DYSF: variants seen among roughly 807,000 people sequenced by gnomAD.
DYSF encodes dysferlin, also known as dystrophy-associated fer-1-like 1.
DYSF carries 212 observed loss-of-function variants against 274.9 expected under a neutral mutation model. The ratio of observed to expected loss-of-function variants is 0.77; its 90% CI spans 0.69 to 0.86. The LOEUF is 0.86. Among genes scored for constraint, DYSF ranks in the 40% least tolerant of loss-of-function variants. The pLI is 0.00. For synonymous variants in DYSF, 1,091 were observed against 1,078.7 expected, an observed-to-expected ratio of 1.01 and a Z score of -0.22; for missense variants, 2,666 against 2,783.2, an observed-to-expected ratio of 0.96 and a Z score of 0.95.
chr2:71,487,093 A>T (rs4536672), intron 3 of DYSF, among the ~76,000 whole-genome samples: 20 of 152,128 alleles, frequency 1.3e-4, no homozygotes, highest in Admixed American at 2.6e-4. Context: ...TGGTGTTTTC[A>T]TTGCGCAGCC....
At position 71,643,840 on chromosome 2, in the gene DYSF, C is replaced by T; in HGVS notation, c.4528-125C>T. 3 of 755,178 alleles carry T rather than the reference C, an allele frequency of 4.0e-6. 1 individual carries two copies. 46.8% of individuals were successfully genotyped at this position (755,178 alleles called of 1,614,324 possible). ...GAGGTTTCCTCTCTCTGCTCCCCCA[C>T]ATCACCCTTAGGAAAGCCTTGTGGT... On this transcript the variant is annotated intron_variant, in intron 41 of 55. Transcript: ENST00000410020.
intron 32 of DYSF, among the ~76,000 whole-genome samples, chr2:71,596,716 C>T (rs886421559): frequency 6.6e-6 from 1 of 152,170 alleles, no homozygotes; most frequent in Non-Finnish European, 1.5e-5. Context: ...CTCCCATTGC[C>T]CTCTTCTGTT....
chr2:71,656,112 C>T (rs1315289154), intron 42 of DYSF, 50 bp from the exon 43 acceptor site: 2 of 1,611,282 alleles, frequency 1.2e-6, no homozygotes, highest in Non-Finnish European at 1.7e-6. Context: ...TGCTGTTGTT[C>T]TACTTTCTTT....
At chr2:71,604,278 A>G (rs1293874140) in intron 36 of DYSF, among the ~76,000 whole-genome samples, 1 of 152,134 alleles carries the variant, frequency 6.6e-6, no homozygotes, top group Non-Finnish European at 1.5e-5. Flanking sequence ...TGATGCCAAG[A>G]TGCTGAGTCC....
chr2:71,484,745 G>C lies in DYSF; in HGVS notation c.239+2775G>C, dbSNP rs185787759. 1.7e-3 allele frequency among the ~76,000 whole-genome samples: 261 copies of C among 152,300 alleles called. 1 individual carries two copies. Among genetic ancestry groups the C allele is most frequent in the Non-Finnish European group, 3.3e-3 (227 of 68,022 alleles). On this transcript the variant is annotated intron_variant, in intron 3 of 55. Coordinates refer to ENST00000410020, the MANE Select transcript of DYSF (RefSeq NM_001130987.2). ...TTTAAAAATTAGTTCTCTGTAGGGA[G>C]ATTTCTAAGACCACAGAGGCAAAAT... is the stretch of plus-strand genomic sequence containing the variant.
At chr2:71,505,514 G>T (rs1184814087) in intron 4 of DYSF, among the ~76,000 whole-genome samples, 1 of 152,210 alleles carries the variant, frequency 6.6e-6, no homozygotes, top group Non-Finnish European at 1.5e-5. Context: ...GGGGGAGGCC[G>T]GGAGTCCTGC....
intron 24 of DYSF, among the ~76,000 whole-genome samples, chr2:71,566,719 C>A (rs1283477532): frequency 1.3e-5 from 2 of 152,108 alleles, no homozygotes; most frequent in Non-Finnish European, 2.9e-5. Flanking sequence ...AGTTAACCAC[C>A]CGGGGGAGAG....
At chr2:71,557,414 G>C (rs1211107210) in intron 22 of DYSF, among the ~76,000 whole-genome samples, 1 of 152,216 alleles carries the variant, frequency 6.6e-6, no homozygotes, top group Non-Finnish European at 1.5e-5. Flanking sequence ...AGTGGCAGGA[G>C]AGGCTGTTGC....
chr2:71,469,290 G>A (rs2081789777), intron 1 of DYSF, among the ~76,000 whole-genome samples: 1 of 152,112 alleles, frequency 6.6e-6, no homozygotes, highest in Non-Finnish European at 1.5e-5. Flanking sequence ...TAGGCTGGGG[G>A]GACTCAACTC....
At chr2:71,598,773 C>T (rs1293927177) in intron 33 of DYSF, 28 bp downstream of exon 33, 3 of 1,606,388 alleles carry the variant, frequency 1.9e-6, no homozygotes, top group South Asian at 2.2e-5. Flanking sequence ...CTGCCTCGTC[C>T]CCTCACAGGG....
At chr2:71,454,187 G>A in intron 1 of DYSF, 1 of 1,213,910 alleles carries the variant, frequency 8.2e-7, no homozygotes, top group Non-Finnish European at 1.2e-6. Flanking sequence ...AGAGACAGGA[G>A]ACTTTCTGGC....
upstream of DYSF, among the ~76,000 whole-genome samples, chr2:71,462,114 G>T (rs1008307622): frequency 1.3e-5 from 2 of 152,182 alleles, no homozygotes; most frequent in Non-Finnish European, 2.9e-5. Flanking sequence ...ACTCAGCCTG[G>T]CAGGCTGTGC....
chr2:71,471,706 A>T (rs1360731022), intron 1 of DYSF, among the ~76,000 whole-genome samples: 1 of 152,102 alleles, frequency 6.6e-6, no homozygotes, highest in Non-Finnish European at 1.5e-5. Context: ...GTGGTGGCTC[A>T]CGCCTGTAAT....
chr2:71,457,746 C>G (rs926518315), intron 1 of DYSF, among the ~76,000 whole-genome samples: 3 of 152,192 alleles, frequency 2.0e-5, no homozygotes, highest in African/African-American at 7.2e-5. Context: ...CCAGGCAGTG[C>G]TCTCGTTCCG....
intron 41 of DYSF, among the ~76,000 whole-genome samples, chr2:71,620,990 T>C (rs2094085332): frequency 6.6e-6 from 1 of 152,070 alleles, no homozygotes; most frequent in Admixed American, 6.6e-5. Context: ...TGACTTTCTG[T>C]GCTCCTCCCT....
At position 71,570,675 on chromosome 2, in the gene DYSF, A is replaced by T. The variant is rs1217132164; in HGVS notation, c.3162A>T (p.Thr1054=). The T allele has an allele frequency of 6.2e-7, 1 of 1,613,960 alleles. No individual in the cohort carries two copies. Among genetic ancestry groups the T allele is most frequent in the African/African-American group, 1.3e-5 (1 of 74,910 alleles). ...HWVPAEKMYY[T]HRRRRWVRLR... ...TCCCTGCTGAGAAGATGTACTACAC[A>T]CACCGACGGCGGCGCTGGGTGCGCC... The change falls in exon 29 of 56, where the codon ACA becomes ACT. Residue 1054 remains threonine, a synonymous_variant. Transcript: ENST00000410020.
intron 43 of DYSF, among the ~76,000 whole-genome samples, chr2:71,657,552 C>G (rs745810578): frequency 6.6e-6 from 1 of 152,222 alleles, no homozygotes; most frequent in Admixed American, 6.5e-5. Flanking sequence ...AAGGGCCCCA[C>G]CCCTGCAGCA....
Position 71,461,466 on chromosome 2 carries a change from G to A in DYSF, c.88+7380G>A, listed in dbSNP as rs1001886218. On this transcript the variant is annotated intron_variant, in intron 1 of 54. Coordinates refer to the DYSF transcript ENST00000258104. ...ATATTCTAGAAACTGACGAGGCACC[G>A]GAGCTAGAGCTAGGAGAGCGAGAGG... is the stretch of plus-strand genomic sequence containing the variant. 2.6e-5 allele frequency among the ~76,000 whole-genome samples: 4 copies of A among 152,212 alleles called. No individual in the cohort carries two copies. In the East Asian group the frequency reaches 5.8e-4, roughly 22 times the overall value.
At chr2:71,643,621 G>A (rs1426848878) in intron 41 of DYSF, among the ~76,000 whole-genome samples, 1 of 152,190 alleles carries the variant, frequency 6.6e-6, no homozygotes, top group East Asian at 1.9e-4. Flanking sequence ...TGGTCTCAGT[G>A]TGTTGTGTCC....
Sources: gnomAD v4.1 joint callset for allele counts (sites outside exome capture counted in the v4.1 genomes callset) on GRCh38, gnomAD v4.1.1 for gene constraint, MANE v1.5 for transcripts, NCBI Gene and HGNC (gene_info 2026-07-23, HGNC 2026-07-21) for gene names.